The following MCTP2 variants were observed in gnomAD, a reference collection of about 807,000 sequenced individuals.
The protein encoded by MCTP2 is multiple C2 and transmembrane domain-containing protein 2.
In MCTP2, 132 loss-of-function variants were observed where a neutral mutation model predicts 111.6. That is an observed-to-expected ratio of 1.18 (90% CI 1.03 to 1.37). The LOEUF is 1.37. Among genes scored for constraint, MCTP2 ranks in the 40% most tolerant of loss-of-function variants. The probability of loss-of-function intolerance (pLI) is 0.00; values close to 1 mark genes in which losing one functional copy is unlikely to be tolerated. For synonymous variants in MCTP2, 395 were observed against 387.7 expected, an observed-to-expected ratio of 1.02 and a Z score of -0.22; for missense variants, 1,183 against 1,067.9, an observed-to-expected ratio of 1.11 and a Z score of -1.50.
chr15:94,257,566 G>GTTTTTTTTTT (rs1220635423), intron 1 of MCTP2, among the ~76,000 whole-genome samples: 12 of 73,006 alleles, frequency 1.6e-4, no homozygotes, highest in South Asian at 4.6e-4. Context: ...CATTTTCTTT[G>GTTTTTTTTTT]TTGTTTTTTT....
intron 17 of MCTP2, among the ~76,000 whole-genome samples, chr15:94,406,865 T>G (rs1195051271): frequency 2.6e-5 from 4 of 151,456 alleles, no homozygotes; most frequent in African/African-American, 7.3e-5. Context: ...GTTGTTTTTT[T>G]TTTTTTTTTT....
intron 1 of MCTP2, among the ~76,000 whole-genome samples, chr15:94,273,048 C>G (rs557499175): frequency 1.3e-5 from 2 of 152,324 alleles, no homozygotes; most frequent in South Asian, 4.1e-4. Context: ...AAAACCTGTA[C>G]TTCTCAGCGA....
chr15:94,347,297 C>G (rs868424653), intron 8 of MCTP2, among the ~76,000 whole-genome samples: 2 of 152,150 alleles, frequency 1.3e-5, no homozygotes, highest in South Asian at 4.1e-4. Flanking sequence ...TTTAGGATTT[C>G]CACATTGTAT....
chr15:94,462,911 T>A (rs115930892), intron 20 of MCTP2, among the ~76,000 whole-genome samples: 1,985 of 152,342 alleles, frequency 0.013, 49 homozygotes, highest in African/African-American at 0.044. Flanking sequence ...ATGAGTATTA[T>A]TTTATGGCCA....
intron 14 of MCTP2, among the ~76,000 whole-genome samples, chr15:94,388,960 A>G (rs2080691372): frequency 6.6e-6 from 1 of 152,188 alleles, no homozygotes; most frequent in Non-Finnish European, 1.5e-5. Context: ...CCACTGTGCT[A>G]TGTGCCGTCA....
chr15:94,465,268 T>A (rs112335358), intron 20 of MCTP2, among the ~76,000 whole-genome samples: 1,863 of 152,236 alleles, frequency 0.012, 30 homozygotes, highest in Middle Eastern at 0.048. Flanking sequence ...AGTCCCCTAT[T>A]ATCCATGGGG....
At chr15:94,399,186 A>G (rs997901670) in intron 15 of MCTP2, 124 bp downstream of exon 15, 6 of 613,794 alleles carry the variant, frequency 9.8e-6, no homozygotes, top group African/African-American at 7.4e-5. Flanking sequence ...AGGAAAGAAT[A>G]GTGTTTTAAA....
intron 4 of MCTP2, among the ~76,000 whole-genome samples, chr15:94,338,096 T>C (rs2077453653): frequency 6.6e-6 from 1 of 152,226 alleles, no homozygotes; most frequent in Non-Finnish European, 1.5e-5. Context: ...GCCTAATTAA[T>C]TTTTGATATA....
intron 19 of MCTP2, among the ~76,000 whole-genome samples, chr15:94,443,412 C>T (rs1438135381): frequency 6.6e-6 from 1 of 152,210 alleles, no homozygotes; most frequent in Non-Finnish European, 1.5e-5. Flanking sequence ...CTGTCCTTTT[C>T]CTTCTCCTGG....
chr15:94,391,736 A>C, intron 14 of MCTP2, among the ~76,000 whole-genome samples: 1 of 152,214 alleles, frequency 6.6e-6, no homozygotes, highest in African/African-American at 2.4e-5. Context: ...TACCTTTAAC[A>C]TGCTGGAGAG....
At chr15:94,302,821 AC>A (rs1322208412) in intron 2 of MCTP2, among the ~76,000 whole-genome samples, 2 of 151,946 alleles carry the variant, frequency 1.3e-5, no homozygotes, top group Admixed American at 6.6e-5. Flanking sequence ...CTCCTCTCTT[AC>A]CTATCATATT....
At chr15:94,419,515 G>C (rs1307730336) in intron 17 of MCTP2, among the ~76,000 whole-genome samples, 1 of 152,030 alleles carries the variant, frequency 6.6e-6, no homozygotes, top group Non-Finnish European at 1.5e-5. Flanking sequence ...ATGAAGCTGA[G>C]ATTTGCCAAG....
chr15:94,361,861 G>A (rs2078960085), intron 10 of MCTP2, among the ~76,000 whole-genome samples: 1 of 152,196 alleles, frequency 6.6e-6, no homozygotes, highest in Non-Finnish European at 1.5e-5. Context: ...TAAGGCTGGG[G>A]TAGTGGTTGC....
intron 19 of MCTP2, among the ~76,000 whole-genome samples, chr15:94,453,650 A>G (rs17730347): frequency 0.15 from 22,502 of 152,230 alleles, 1,780 homozygotes; most frequent in East Asian, 0.29. Flanking sequence ...ATGTGCACTT[A>G]TCTTTTTTAC....
At chr15:94,477,621 C>A (rs1187066847) in intron 22 of MCTP2, among the ~76,000 whole-genome samples, 1 of 152,122 alleles carries the variant, frequency 6.6e-6, no homozygotes, top group Non-Finnish European at 1.5e-5. Context: ...CTCAGAGAAT[C>A]CCAAATCAAA....
At chr15:94,427,744 T>A (rs2082963875) in intron 17 of MCTP2, among the ~76,000 whole-genome samples, 1 of 152,114 alleles carries the variant, frequency 6.6e-6, no homozygotes, top group Admixed American at 6.5e-5. Flanking sequence ...AGTAGCAAAC[T>A]AAGGGAGTGC....
At chr15:94,300,880 G>A (rs2075577134) in intron 2 of MCTP2, among the ~76,000 whole-genome samples, 1 of 152,136 alleles carries the variant, frequency 6.6e-6, no homozygotes, top group African/African-American at 2.4e-5. Flanking sequence ...TGCTGTTGGG[G>A]GTGATGAGTG....
intron 1 of MCTP2, among the ~76,000 whole-genome samples, chr15:94,287,240 C>T (rs1596273125): frequency 6.7e-6 from 1 of 149,566 alleles, no homozygotes; most frequent in African/African-American, 2.5e-5. Context: ...TTTAAGAGCA[C>T]TTTTTTTTTT....
At chr15:94,323,825 C>A (rs1302027095) in intron 4 of MCTP2, among the ~76,000 whole-genome samples, 2 of 152,048 alleles carry the variant, frequency 1.3e-5, no homozygotes, top group African/African-American at 4.8e-5. Context: ...TTCATCTGAC[C>A]CTCCCTGTCC....
Sources: allele counts gnomAD v4.1 joint callset (sites outside exome capture counted in the v4.1 genomes callset), GRCh38; gene constraint gnomAD v4.1.1; transcripts MANE v1.5; gene names NCBI Gene and HGNC (gene_info 2026-07-23, HGNC 2026-07-21).